The following FAM8A1 variants were observed in gnomAD, a reference collection of about 807,000 sequenced individuals.
FAM8A1 encodes the protein family with sequence similarity 8 member A1.
A neutral mutation model predicts 38.3 loss-of-function variants in FAM8A1; 18 were observed. That is an observed-to-expected ratio of 0.47 (90% CI 0.33 to 0.70). FAM8A1 has a LOEUF of 0.70. FAM8A1 is among the 30% of genes least tolerant of loss of function. FAM8A1 has a pLI of 0.03. For missense variants in FAM8A1, 559 were observed against 559.6 expected, an observed-to-expected ratio of 1.00 and a Z score of 0.01; for synonymous variants, 246 against 234.4, an observed-to-expected ratio of 1.05 and a Z score of -0.45.
In FAM8A1 at chr6:17,608,339, A is replaced by G; in HGVS notation, c.1242A>G (p.Ter414TrpextTer6). 1 of 1,610,300 alleles carries G rather than the reference A, an allele frequency of 6.2e-7. No individual in the cohort carries two copies. The highest frequency in any genetic ancestry group is 8.5e-7 in the Non-Finnish European group (1 of 1,178,896). The change falls in exon 5 of 5, where the codon TGA becomes TGG. Residue 414 changes from the stop codon to tryptophan, a stop_lost. Transcript: ENST00000259963. ...TGGTAAAAAGAAATGGGGTCAGATGATGCCCCCCAAAACCCTGATTTCCAC... is the reference window on the plus strand; with the variant it reads ...TGGTAAAAAGAAATGGGGTCAGATGGTGCCCCCCAAAACCCTGATTTCCAC... ...TIVVKRNGVR[*>W]
Position 17,601,008 on chromosome 6 carries a change from C to T in FAM8A1, c.599C>T (p.Ala200Val), listed in dbSNP as rs754516420. 1.1e-5 allele frequency: 17 copies of T among 1,587,432 alleles called. No homozygotes were observed. In the South Asian group the frequency reaches 1.8e-4, roughly 17 times the overall value. Residue 200 changes from alanine (A) to valine (V), a missense_variant, in exon 1 of 5, where the codon GCG becomes GTG. Ala to Val is a moderately conservative substitution (Grantham distance 64). This residue lies in a region of FAM8A1 where 393 missense variants were observed against 338.9 expected (regional missense o/e 1.16). Coordinates refer to ENST00000259963, the MANE Select transcript of FAM8A1 (RefSeq NM_016255.3). ...AAGISTPAPVAGLGPRAPHVQ... is the reference protein window; with the variant it reads ...AAGISTPAPVVGLGPRAPHVQ... Reference sequence around the variant, plus strand: ...GGCATCAGCACCCCTGCTCCAGTCGCGGGCCTGGGACCCCGGGCTCCTCAC... The same window carrying T: ...GGCATCAGCACCCCTGCTCCAGTCGTGGGCCTGGGACCCCGGGCTCCTCAC...
Position 17,602,655 on chromosome 6 carries a change from C to G in FAM8A1, c.778C>G (p.Leu260Val), listed in dbSNP as rs182634166. The G allele has an allele frequency of 1.9e-6, 3 of 1,612,458 alleles. No individual in the cohort carries two copies. The African/African-American group carries it at 4.0e-5, about 22-fold the overall frequency. Reference protein sequence around the residue: ...FMAEMVDFFILFFIKATIVLS... With the variant: ...FMAEMVDFFIVFFIKATIVLS... ...GGCAGAGATGGTGGATTTCTTTATTCTCTTCTTTATAAAAGCAACCATTGT... is the reference window on the plus strand; with the variant it reads ...GGCAGAGATGGTGGATTTCTTTATTGTCTTCTTTATAAAAGCAACCATTGT... Residue 260 changes from leucine to valine, a missense_variant, in exon 2 of 5, where the codon CTC becomes GTC. Transcript: ENST00000259963.
chr6:17,606,079 G>A, intron 4 of FAM8A1, 66 bp downstream of exon 4: 3 of 1,273,250 alleles, frequency 2.4e-6, no homozygotes, highest in Admixed American at 2.9e-5. Context: ...AGAATATTGG[G>A]GTTTTTTTCT....
rs143186547 is a variant in FAM8A1 at position 17,610,364 on chromosome 6, G to C, written c.*2025G>C. 1 of 152,118 alleles carries C rather than the reference G, an allele frequency of 6.6e-6. No homozygotes were observed. Among genetic ancestry groups the C allele is most frequent in the Non-Finnish European group, 1.5e-5 (1 of 67,972 alleles). The allele number at this position is 152,118 out of a possible 1,614,324, so 9.4% of individuals were successfully genotyped here. A position where few individuals can be genotyped will look rare whatever the true frequency, so the allele number is the denominator to read the frequency against. On this transcript the variant is annotated 3_prime_UTR_variant, in exon 5 of 5. Transcript: ENST00000259963. The stretch of plus-strand genomic sequence containing the variant: ...AATATTGCACATTTTCTATATATGA[G>C]TTATTCAGATTAGTATCTATGTAGG...
chr6:17,600,525 C>A lies in FAM8A1; in HGVS notation c.116C>A (p.Pro39His). 6.5e-7 allele frequency: 1 copy of A among 1,534,166 alleles called. No homozygotes were observed. The highest frequency in any genetic ancestry group is 1.4e-5 in the African/African-American group (1 of 69,384). ...RGPPTTAVPCPRDDPQAEPQA... is the reference protein window; with the variant it reads ...RGPPTTAVPCHRDDPQAEPQA... ...CCTCCTACCACCGCCGTCCCATGCC[C>A]CCGCGACGACCCCCAGGCCGAACCC... Residue 39 changes from proline to histidine, a missense_variant, in exon 1 of 5, where the codon CCC becomes CAC. Transcript: ENST00000259963.
At position 17,610,444 on chromosome 6, in the gene FAM8A1, T is replaced by C. The variant is rs1764123926; in HGVS notation, c.*2105T>C. The C allele has an allele frequency of 6.6e-6, 1 of 152,126 alleles. No homozygotes were observed. The highest frequency in any genetic ancestry group is 2.4e-5 in the African/African-American group (1 of 41,422). The allele number at this position is 152,126 out of a possible 1,614,324, so 9.4% of individuals were successfully genotyped here. On this transcript the variant is annotated 3_prime_UTR_variant, in exon 5 of 5. Transcript: ENST00000259963. ...TATTATACTGTATAACCCTACAAAATACATAGAAGTATTATTTGCCTTCAT... is the reference window on the plus strand; with the variant it reads ...TATTATACTGTATAACCCTACAAAACACATAGAAGTATTATTTGCCTTCAT...
intron 1 of FAM8A1, among the ~76,000 whole-genome samples, chr6:17,602,106 C>T (rs535835617): frequency 1.3e-5 from 2 of 152,320 alleles, no homozygotes; most frequent in South Asian, 2.1e-4. Context: ...TCTTGGCTCC[C>T]TGCAGCCTCC....
chr6:17,600,687 G>GCGAGGCGCCCGAAGC lies in FAM8A1; in HGVS notation c.281_295dup (p.Glu94_Ala98dup). 6.2e-7 allele frequency: 1 copy of GCGAGGCGCCCGAAGC among 1,601,826 alleles called. No homozygotes were observed. The highest frequency in any genetic ancestry group is 1.1e-5 in the South Asian group (1 of 90,586). On this transcript the variant is annotated inframe_insertion, in exon 1 of 5. Coordinates refer to ENST00000259963, the MANE Select transcript of FAM8A1 (RefSeq NM_016255.3). ...GCAGAGCTGCAGGAGCAGGCGGGCT[G>GCGAGGCGCCCGAAGC]CGAGGCGCCCGAAGCCGCGGCGCCA...
intron 2 of FAM8A1, 150 bp downstream of exon 2, chr6:17,602,860 T>A (rs1030830277): frequency 4.8e-5 from 35 of 726,614 alleles, no homozygotes; most frequent in Middle Eastern, 6.5e-4. Context: ...ATTTATTGTT[T>A]TCTTGTTGAT....
chr6:17,606,388 G>T (rs1425476860), intron 4 of FAM8A1, among the ~76,000 whole-genome samples: 1 of 152,060 alleles, frequency 6.6e-6, no homozygotes, highest in Middle Eastern at 3.2e-3. Context: ...TTTTAGTAGG[G>T]ACGGGGTTTC....
chr6:17,600,572 GC>G lies in FAM8A1; in HGVS notation c.167del (p.Pro56ArgfsTer53). The part of the protein sequence containing the change: ...AEPQAPGRPT[A>X]PGLAAAAAAD... ...ACCCCAGGCCCCGGGCCGGCCCACA[GC>G]CCCGGGCCTCGCGGCTGCCGCCGCA... On this transcript the variant is annotated frameshift_variant, in exon 1 of 5. Transcript: ENST00000259963. LOFTEE classifies it high-confidence loss of function. The G allele has an allele frequency of 6.7e-7, 1 of 1,495,812 alleles. No individual in the cohort carries two copies. The highest frequency in any genetic ancestry group is 8.9e-7 in the Non-Finnish European group (1 of 1,127,860). The allele number at this position is 1,495,812 out of a possible 1,614,324, so 92.7% of individuals were successfully genotyped here. A position where few individuals can be genotyped will look rare whatever the true frequency, so the allele number is the denominator to read the frequency against.
At position 17,609,373 on chromosome 6, in the gene FAM8A1, C is replaced by T. The variant is rs1435918732; in HGVS notation, c.*1034C>T. ...AGGAGTTAAAAAAATCTTAATATTT[C>T]ATGATTAACTCTAAGTACTATTAAT... On this transcript the variant is annotated 3_prime_UTR_variant, in exon 5 of 5. Coordinates refer to ENST00000259963, the MANE Select transcript of FAM8A1 (RefSeq NM_016255.3). The T allele has an allele frequency of 1.4e-5, 2 of 147,772 alleles. No individual in the cohort carries two copies. Among genetic ancestry groups the T allele is most frequent in the Non-Finnish European group, 3.0e-5 (2 of 66,522 alleles). 9.2% of individuals were successfully genotyped at this position (147,772 alleles called of 1,614,324 possible).
chr6:17,600,325 T>C lies in FAM8A1; in HGVS notation c.-85T>C. ...TTGTTGACGCCTGCGGTTGCTGCGG[T>C]GGTGACGGGGCTGTTGGGGAGGGGC... On this transcript the variant is annotated 5_prime_UTR_variant, in exon 1 of 5. Transcript: ENST00000259963. 3.9e-6 allele frequency: 5 copies of C among 1,289,690 alleles called. No individual in the cohort carries two copies. Among genetic ancestry groups the C allele is most frequent in the Non-Finnish European group, 4.9e-6 (5 of 1,015,952 alleles). 79.9% of individuals were successfully genotyped at this position (1,289,690 alleles called of 1,614,324 possible). A position where few individuals can be genotyped will look rare whatever the true frequency, so the allele number is the denominator to read the frequency against.
At chr6:17,605,424 GA>G (rs1764039811) in intron 3 of FAM8A1, among the ~76,000 whole-genome samples, 1 of 152,072 alleles carries the variant, frequency 6.6e-6, no homozygotes, top group African/African-American at 2.4e-5. Flanking sequence ...AAAAGTAATC[GA>G]AATTTATAAT....
At chr6:17,602,088 A>G (rs1489271608) in intron 1 of FAM8A1, among the ~76,000 whole-genome samples, 1 of 152,220 alleles carries the variant, frequency 6.6e-6, no homozygotes, top group Non-Finnish European at 1.5e-5. Context: ...TGGATAGTGC[A>G]GTGGCGATCT....
At chr6:17,604,706 GCTAGTACAGTGT>G (rs1388884526) in intron 2 of FAM8A1, among the ~76,000 whole-genome samples, 188 bp from the exon 3 acceptor site, 1 of 151,942 alleles carries the variant, frequency 6.6e-6, no homozygotes, top group Non-Finnish European at 1.5e-5. Context: ...TTTCCCCCGT[GCTAGTACAGTGT>G]CTGCTCATGA....
At chr6:17,602,326 T>A (rs887212343) in intron 1 of FAM8A1, among the ~76,000 whole-genome samples, 15 of 152,216 alleles carry the variant, frequency 9.9e-5, no homozygotes, top group African/African-American at 3.1e-4. Context: ...CGTGAGTCAC[T>A]GCACCTGGCC....
At chr6:17,604,579 G>A (rs34565758) in intron 2 of FAM8A1, among the ~76,000 whole-genome samples, 56 of 152,102 alleles carry the variant, frequency 3.7e-4, no homozygotes, top group African/African-American at 1.3e-3. Context: ...TAGTATCCTA[G>A]GTTCCCCATC....
chr6:17,605,244 C>T (rs984810804), intron 3 of FAM8A1, among the ~76,000 whole-genome samples: 15 of 152,052 alleles, frequency 9.9e-5, no homozygotes, highest in African/African-American at 3.1e-4. Flanking sequence ...CCACACCTGG[C>T]TAATTTTTGT....
Sources: allele counts gnomAD v4.1 joint callset (sites outside exome capture counted in the v4.1 genomes callset), GRCh38; gene constraint gnomAD v4.1.1; regional missense constraint gnomAD v4.1.1; transcripts MANE v1.5; gene names NCBI Gene and HGNC (gene_info 2026-07-23, HGNC 2026-07-21).